ANK1: variants seen among roughly 807,000 people sequenced by gnomAD.
ANK1 encodes ankyrin 1.
A neutral mutation model predicts 210.4 loss-of-function variants in ANK1; 51 were observed. The ratio of observed to expected loss-of-function variants is 0.24; its 90% CI spans 0.19 to 0.31. The LOEUF (loss-of-function observed/expected upper bound fraction) is 0.31, where lower values mean the gene tolerates loss of function less well. Ranked by LOEUF, ANK1 falls within the 10% of genes least tolerant of loss-of-function variation. The pLI is 1.00. For missense variants in ANK1, 2,051 were observed against 2,504.4 expected, an observed-to-expected ratio of 0.82 and a Z score of 3.86; for synonymous variants, 967 against 1,025.9, an observed-to-expected ratio of 0.94 and a Z score of 1.10.
chr8:41,706,775 C>T (rs1824704522), intron 17 of ANK1, among the ~76,000 whole-genome samples: 1 of 152,188 alleles, frequency 6.6e-6, no homozygotes, highest in Non-Finnish European at 1.5e-5. Context: ...CTGGAGAAAG[C>T]ACAGGTGAAG....
chr8:41,698,540 C>T (rs1252615361), intron 23 of ANK1, among the ~76,000 whole-genome samples: 1 of 152,166 alleles, frequency 6.6e-6, no homozygotes, highest in East Asian at 1.9e-4. Context: ...TGGGACACTT[C>T]CATCTTTTCA....
At chr8:41,808,283 C>A (rs538804110) in intron 1 of ANK1, among the ~76,000 whole-genome samples, 1 of 152,314 alleles carries the variant, frequency 6.6e-6, no homozygotes, top group South Asian at 2.1e-4. Flanking sequence ...CCTGACAGCT[C>A]CTTGTCTAGA....
At position 41,822,830 on chromosome 8, in the gene ANK1, T is replaced by G. The variant is rs117738311; in HGVS notation, c.127-64693A>C. On this transcript the variant is annotated intron_variant, in intron 1 of 42. Coordinates refer to the ANK1 transcript ENST00000265709. ...TCAAGAGCCAGCAGTAAGGCTGGAT[T>G]TGCACCCCTGTACGGGAAGCACAGC... 6.1e-3 allele frequency among the ~76,000 whole-genome samples: 935 copies of G among 152,286 alleles called. 12 individuals are homozygous for G. The highest frequency in any genetic ancestry group is 0.025 in the East Asian group (128 of 5,176).
rs1360452037 is a variant in ANK1 at position 41,704,352 on chromosome 8, C to T, written c.2196+22G>A. ...CATGGAGAAGGGTCAGTGCAGGAGT[C>T]GGGGCTGGGGCACCCCTGTACCTTG... is the stretch of plus-strand genomic sequence containing the variant. On this transcript the variant is annotated intron_variant, in intron 19 of 42. Coordinates refer to ENST00000289734, the MANE Select transcript of ANK1 (RefSeq NM_000037.4). The surrounding 1 kb of genome is among the most constrained non-coding windows in gnomAD (Gnocchi z 4.1). 3.1e-6 allele frequency: 5 copies of T among 1,607,090 alleles called. No homozygotes were observed. Among genetic ancestry groups the T allele is most frequent in the African/African-American group, 1.3e-5 (1 of 74,734 alleles).
chr8:41,808,965 T>G (rs962348144), intron 1 of ANK1, among the ~76,000 whole-genome samples: 2 of 152,190 alleles, frequency 1.3e-5, no homozygotes, highest in African/African-American at 4.8e-5. Flanking sequence ...TTTGTTGTTA[T>G]TATGTTTTAA....
At chr8:41,692,609 G>A (rs1051234395) in intron 31 of ANK1, 39 bp downstream of exon 31, 27 of 1,581,750 alleles carry the variant, frequency 1.7e-5, no homozygotes, top group Admixed American at 3.3e-5. Flanking sequence ...ACGGCAGGAC[G>A]GTTTGTCCCA....
chr8:41,772,647 C>G (rs756183969), intron 1 of ANK1, among the ~76,000 whole-genome samples: 2 of 152,240 alleles, frequency 1.3e-5, no homozygotes, highest in Non-Finnish European at 2.9e-5. Flanking sequence ...GCACCCTTTT[C>G]AATGCCCATA....
intron 6 of ANK1, among the ~76,000 whole-genome samples, chr8:41,725,339 A>C (rs1830401041): frequency 6.6e-6 from 1 of 152,220 alleles, no homozygotes; most frequent in Admixed American, 6.5e-5. Context: ...AACACCGGAG[A>C]GCGTGCCCAG....
chr8:41,703,450 A>ATATATATATATTTTTTTTTTTTTTT (rs59985416), intron 20 of ANK1, among the ~76,000 whole-genome samples: 2 of 58,820 alleles, frequency 3.4e-5, no homozygotes, highest in African/African-American at 1.8e-4. Context: ...ATATATATAT[A>ATATATATATATTTTTTTTTTTTTTT]TTTTTTTTTT....
At chr8:41,782,163 G>T (rs985011413) in intron 1 of ANK1, among the ~76,000 whole-genome samples, 8 of 152,304 alleles carry the variant, frequency 5.3e-5, no homozygotes, top group African/African-American at 1.7e-4. Context: ...TTTAGCAAGG[G>T]TTCCTGCTGC....
chr8:41,762,537 T>G (rs1840721242), intron 1 of ANK1, among the ~76,000 whole-genome samples: 1 of 152,180 alleles, frequency 6.6e-6, no homozygotes, highest in East Asian at 1.9e-4. Context: ...TCCCTTGACC[T>G]AAAGCACATG....
At chr8:41,755,045 C>CAA (rs1838772051) in intron 2 of ANK1, among the ~76,000 whole-genome samples, 3 of 152,244 alleles carry the variant, frequency 2.0e-5, no homozygotes, top group Admixed American at 2.0e-4. Context: ...GCAGTGTCCT[C>CAA]TTTAAGAGAG....
chr8:41,869,255 G>T lies in ANK1; in HGVS notation c.126+27100C>A, dbSNP rs964967127. 7.2e-5 allele frequency among the ~76,000 whole-genome samples: 11 copies of T among 152,300 alleles called. No individual in the cohort carries two copies. The South Asian group carries it at 8.3e-4, about 11-fold the overall frequency. ...GACTCAGGACTGGCAGGAGCCCGTT[G>T]CCCTCCTCAGGGTCTCAGGCAGGGA... On this transcript the variant is annotated intron_variant, in intron 1 of 42. Transcript: ENST00000265709.
chr8:41,828,500 C>T (rs540468221), intron 1 of ANK1: 1 of 154,496 alleles, frequency 6.5e-6, no homozygotes, highest in Non-Finnish European at 1.5e-5. Flanking sequence ...CTGCCACCTC[C>T]TCCGAGAGGA....
chr8:41,864,756 C>T (rs924718039), intron 1 of ANK1, among the ~76,000 whole-genome samples: 7 of 152,222 alleles, frequency 4.6e-5, no homozygotes, highest in South Asian at 2.1e-4. Flanking sequence ...CATGGAACCA[C>T]GGCTGAGTGG....
chr8:41,785,883 C>T (rs1386474383), intron 1 of ANK1, among the ~76,000 whole-genome samples: 2 of 152,172 alleles, frequency 1.3e-5, no homozygotes, highest in East Asian at 1.9e-4. Flanking sequence ...ACTTGGTAGC[C>T]GAGGGTCCGA....
At chr8:41,875,080 G>C (rs1280917839) in intron 1 of ANK1, among the ~76,000 whole-genome samples, 1 of 152,170 alleles carries the variant, frequency 6.6e-6, no homozygotes, top group African/African-American at 2.4e-5. Context: ...GAGAGGGGAG[G>C]GAGCAGAGCT....
rs192980368 is a variant in ANK1, at chr8:41,845,241, C to T, written c.126+51114G>A. Among the ~76,000 whole-genome samples the T allele has an allele frequency of 5.9e-5, 9 of 152,004 alleles. No homozygotes were observed. The East Asian group carries it at 1.8e-3, about 30-fold the overall frequency. ...CTCTACAAAAATACAAAAAATTAGC[C>T]GGGCATGGTGGCGTGTGCCTGTAGA... On this transcript the variant is annotated intron_variant, in intron 1 of 42. Coordinates refer to the ANK1 transcript ENST00000265709.
At chr8:41,688,126 G>A (rs757593864) in intron 35 of ANK1, 30 bp downstream of exon 35, 9 of 1,607,762 alleles carry the variant, frequency 5.6e-6, no homozygotes, top group Non-Finnish European at 5.1e-6. Context: ...GATGGACAAA[G>A]TGCTTTTCTG....
Sources: allele counts gnomAD v4.1 joint callset (sites outside exome capture counted in the v4.1 genomes callset), GRCh38; gene constraint gnomAD v4.1.1; non-coding constraint Gnocchi (gnomAD v3.1); transcripts MANE v1.5; gene names NCBI Gene and HGNC (gene_info 2026-07-23, HGNC 2026-07-21).